The following KCNJ6 variants were observed in gnomAD, a reference collection of about 807,000 sequenced individuals.
KCNJ6 encodes G protein-activated inward rectifier potassium channel 2.
A neutral mutation model predicts 34.2 loss-of-function variants in KCNJ6; 9 were observed. The observed-to-expected ratio is 0.26, with a 90% CI of 0.16 to 0.46. KCNJ6 has a LOEUF of 0.46. Ranked by LOEUF, KCNJ6 falls within the 20% of genes least tolerant of loss-of-function variation. The pLI, the probability that KCNJ6 is intolerant of heterozygous loss-of-function variation, is 1.00. For missense variants in KCNJ6, 236 were observed against 531.3 expected, an observed-to-expected ratio of 0.44 and a Z score of 5.46; for synonymous variants, 196 against 207.1, an observed-to-expected ratio of 0.95 and a Z score of 0.46.
intron 2 of KCNJ6, among the ~76,000 whole-genome samples, chr21:37,819,799 C>T (rs1029614726): frequency 3.4e-5 from 5 of 148,630 alleles, no homozygotes; most frequent in South Asian, 2.1e-4. Flanking sequence ...GTTAAATACA[C>T]TTTTTTTTTT....
intron 2 of KCNJ6, among the ~76,000 whole-genome samples, chr21:37,739,137 C>A (rs3787823): frequency 0.58 from 88,204 of 152,068 alleles, 26,035 homozygotes; most frequent in African/African-American, 0.68. Flanking sequence ...TAAAAGTAAA[C>A]TATCCCATTA....
intron 2 of KCNJ6, among the ~76,000 whole-genome samples, chr21:37,801,833 A>G (rs1391158695): frequency 6.6e-6 from 1 of 152,122 alleles, no homozygotes; most frequent in Non-Finnish European, 1.5e-5. Context: ...AACCACTTGC[A>G]TTTTATTTGG....
At chr21:37,878,267 T>A (rs992761040) in intron 1 of KCNJ6, among the ~76,000 whole-genome samples, 27 of 152,148 alleles carry the variant, frequency 1.8e-4, no homozygotes, top group African/African-American at 6.5e-4. Context: ...TTGTGGGATT[T>A]TTTTTTTTTA....
chr21:37,685,161 C>T (rs1426784459), intron 3 of KCNJ6, among the ~76,000 whole-genome samples: 1 of 151,962 alleles, frequency 6.6e-6, no homozygotes, highest in African/African-American at 2.4e-5. Flanking sequence ...TTGAAAGATG[C>T]CCAACTACAT....
chr21:37,708,543 G>A lies in KCNJ6; in HGVS notation c.946+5668C>T, dbSNP rs559512129. On this transcript the variant is annotated intron_variant, in intron 3 of 3. Transcript: ENST00000609713. ...GAGCTGGATTTCTTGATTTACGGGT[G>A]GCAGATTTTGACCTAGGAAAAACAT... Among the ~76,000 whole-genome samples, 103 of 140,732 alleles carry A rather than the reference G, an allele frequency of 7.3e-4. 1 individual carries two copies. The highest frequency in any genetic ancestry group is 1.4e-3 in the Admixed American group (19 of 13,330). The allele number at this position is 140,732 out of a possible 152,430, so 92.3% of individuals were successfully genotyped here.
At chr21:37,722,134 G>C (rs1382265627) in intron 2 of KCNJ6, among the ~76,000 whole-genome samples, 1 of 151,992 alleles carries the variant, frequency 6.6e-6, no homozygotes, top group African/African-American at 2.4e-5. Context: ...AAAAATCAGT[G>C]TCATTTCTAT....
At chr21:37,879,108 G>A (rs1227880124) in intron 1 of KCNJ6, among the ~76,000 whole-genome samples, 2 of 152,190 alleles carry the variant, frequency 1.3e-5, no homozygotes, top group African/African-American at 2.4e-5. Flanking sequence ...ATCTTGCTAT[G>A]ATCTGGCTAG....
intron 2 of KCNJ6, among the ~76,000 whole-genome samples, chr21:37,776,852 G>A (rs955518745): frequency 2.6e-5 from 4 of 152,148 alleles, no homozygotes; most frequent in African/African-American, 9.7e-5. Context: ...TCAGGATGAC[G>A]CTGGCCTCAT....
chr21:37,652,877 T>C (rs1399620771), intron 3 of KCNJ6, among the ~76,000 whole-genome samples: 1 of 152,232 alleles, frequency 6.6e-6, no homozygotes, highest in Non-Finnish European at 1.5e-5. Flanking sequence ...AGGGGATTCC[T>C]GTCTGATGTT....
At chr21:37,760,402 A>G (rs1409521645) in intron 2 of KCNJ6, among the ~76,000 whole-genome samples, 3 of 152,162 alleles carry the variant, frequency 2.0e-5, no homozygotes, top group Non-Finnish European at 4.4e-5. Flanking sequence ...CAGAGTCCAC[A>G]CCCCTGAGCC....
chr21:37,705,891 A>G (rs551411479), intron 3 of KCNJ6, among the ~76,000 whole-genome samples: 8 of 152,308 alleles, frequency 5.3e-5, no homozygotes, highest in Non-Finnish European at 8.8e-5. Context: ...CAGGCAAGAT[A>G]GGCTAGATTT....
At chr21:37,822,329 C>T (rs1165779459) in intron 2 of KCNJ6, among the ~76,000 whole-genome samples, 1 of 152,162 alleles carries the variant, frequency 6.6e-6, no homozygotes, top group African/African-American at 2.4e-5. Context: ...GATAGGCACC[C>T]ATTCCTCGTG....
intron 2 of KCNJ6, among the ~76,000 whole-genome samples, chr21:37,767,474 G>A (rs1011915672): frequency 6.6e-6 from 1 of 152,094 alleles, no homozygotes; most frequent in African/African-American, 2.4e-5. Context: ...CTCTTCCAGG[G>A]AACCAGGGAA....
intron 1 of KCNJ6, among the ~76,000 whole-genome samples, chr21:37,905,419 C>T (rs905078331): frequency 6.6e-6 from 1 of 152,110 alleles, no homozygotes; most frequent in African/African-American, 2.4e-5. Context: ...TAGACCATAC[C>T]CCTGCCTGAT....
intron 1 of KCNJ6, among the ~76,000 whole-genome samples, chr21:37,859,156 C>T (rs933406425): frequency 6.6e-6 from 1 of 151,702 alleles, no homozygotes. Flanking sequence ...AAAACAACTT[C>T]AATAAATAAA....
At chr21:37,904,774 T>C (rs1191055841) in intron 1 of KCNJ6, among the ~76,000 whole-genome samples, 5 of 152,192 alleles carry the variant, frequency 3.3e-5, no homozygotes, top group Non-Finnish European at 5.9e-5. Context: ...AGCAACATTG[T>C]TTTTGCACAG....
intron 1 of KCNJ6, among the ~76,000 whole-genome samples, chr21:37,895,169 A>G (rs540691378): frequency 1.0e-3 from 156 of 152,318 alleles, no homozygotes; most frequent in Admixed American, 1.8e-3. Context: ...TCTTTCTAAA[A>G]CCCAAATAAT....
intron 2 of KCNJ6, among the ~76,000 whole-genome samples, chr21:37,761,276 A>G (rs1350487017): frequency 7.2e-6 from 1 of 138,868 alleles, no homozygotes; most frequent in Non-Finnish European, 1.5e-5. Flanking sequence ...TGTGTGTGGT[A>G]GTGTAATGTG....
At chr21:37,809,601 G>A (rs1335691079) in intron 2 of KCNJ6, among the ~76,000 whole-genome samples, 1 of 152,072 alleles carries the variant, frequency 6.6e-6, no homozygotes, top group Non-Finnish European at 1.5e-5. Flanking sequence ...AAAAGATGAT[G>A]TAAGTTTGTT....
Sources: gnomAD v4.1 joint callset for allele counts (sites outside exome capture counted in the v4.1 genomes callset) on GRCh38, gnomAD v4.1.1 for gene constraint, MANE v1.5 for transcripts, NCBI Gene and HGNC (gene_info 2026-07-23, HGNC 2026-07-21) for gene names.